The following CARF variants were observed in gnomAD, a reference collection of about 807,000 sequenced individuals.
CARF encodes the protein calcium-responsive transcription factor.
CARF carries 57 observed loss-of-function variants against 82.0 expected under a neutral mutation model. That is an observed-to-expected ratio of 0.70 (90% CI 0.56 to 0.87). The LOEUF (loss-of-function observed/expected upper bound fraction) is 0.87. CARF is among the 40% of genes least tolerant of loss of function. CARF has a pLI of 0.00. For missense variants in CARF, 771 were observed against 855.8 expected, an observed-to-expected ratio of 0.90 and a Z score of 1.24; for synonymous variants, 268 against 290.1, an observed-to-expected ratio of 0.92 and a Z score of 0.77.
chr2:202,980,369 G>C (rs1051293592), intron 14 of CARF, among the ~76,000 whole-genome samples: 28 of 151,898 alleles, frequency 1.8e-4, no homozygotes, highest in African/African-American at 6.8e-4. Context: ...GAGATACTAA[G>C]AAAATAGAGT....
chr2:202,978,841 G>A (rs1294218796), intron 14 of CARF, among the ~76,000 whole-genome samples: 1 of 152,184 alleles, frequency 6.6e-6, no homozygotes, highest in Non-Finnish European at 1.5e-5. Flanking sequence ...CTGGATGGGG[G>A]AAGAATTTTA....
intron 3 of CARF, chr2:202,925,688 A>AGC (rs1691669279): frequency 5.1e-6 from 1 of 198,018 alleles, no homozygotes; most frequent in Admixed American, 5.8e-5. Flanking sequence ...GCTGGCCATT[A>AGC]AGGATGCCAG....
Position 202,966,838 on chromosome 2 carries a change from G to C in CARF, c.833-140G>C, listed in dbSNP as rs2059573587. ...TAAATTTATATGTTTGTATATGTAA[G>C]TAAGACTTACTAATGTTTTCTTTCC... On this transcript the variant is annotated intron_variant, in intron 9 of 16. Transcript: ENST00000438828. 9 of 697,916 alleles carry C rather than the reference G, an allele frequency of 1.3e-5. No individual in the cohort carries two copies. In the South Asian group the frequency reaches 2.1e-4, roughly 16 times the overall value. 43.2% of individuals were successfully genotyped at this position (697,916 alleles called of 1,614,324 possible).
intron 2 of CARF, among the ~76,000 whole-genome samples, chr2:202,923,039 T>G (rs1485048427): frequency 6.6e-6 from 1 of 151,902 alleles, no homozygotes; most frequent in East Asian, 1.9e-4. Flanking sequence ...GTCAGGAGTT[T>G]GAGACCAGCC....
rs1491098285 is a variant in CARF at position 202,986,868 on chromosome 2, G to GTATGTATATATATA, written c.*3247_*3248insGTATATATATATAT. 8 of 29,638 alleles carry GTATGTATATATATA rather than the reference G, an allele frequency of 2.7e-4. No homozygotes were observed. Among genetic ancestry groups the GTATGTATATATATA allele is most frequent in the African/African-American group, 6.1e-4 (8 of 13,012 alleles). 1.8% of individuals were successfully genotyped at this position (29,638 alleles called of 1,614,324 possible). ...AAAGAGGTTTAAAAAATGTCTGTGC[G>GTATGTATATATATA]TATATATATATATATATATATATAT... On this transcript the variant is annotated 3_prime_UTR_variant, in exon 17 of 17. Coordinates refer to ENST00000438828, the MANE Select transcript of CARF (RefSeq NM_024744.17).
intron 3 of CARF, among the ~76,000 whole-genome samples, chr2:202,936,918 G>A (rs1236541923): frequency 1.3e-5 from 2 of 152,148 alleles, no homozygotes; most frequent in Non-Finnish European, 2.9e-5. Flanking sequence ...TCTTCTAAGA[G>A]TTGCATGGTT....
intron 2 of CARF, among the ~76,000 whole-genome samples, chr2:202,918,286 C>T (rs4673240): frequency 0.91 from 137,902 of 152,058 alleles, 62,637 homozygotes; most frequent in East Asian, 0.99. Flanking sequence ...TTTGGGAGGC[C>T]GAGGTGGGCG....
At chr2:202,947,646 A>G (rs1255477783) in intron 5 of CARF, among the ~76,000 whole-genome samples, 3 of 152,144 alleles carry the variant, frequency 2.0e-5, no homozygotes, top group Non-Finnish European at 2.9e-5. Context: ...AAGTAAAACA[A>G]AAAACAAAAA....
At chr2:202,943,299 C>T (rs1478735197) in intron 5 of CARF, among the ~76,000 whole-genome samples, 1 of 152,122 alleles carries the variant, frequency 6.6e-6, no homozygotes, top group Non-Finnish European at 1.5e-5. Flanking sequence ...GCCTCAAACT[C>T]CTGACCTCAG....
chr2:202,943,916 G>GT (rs2058367009), intron 5 of CARF, among the ~76,000 whole-genome samples: 1 of 152,058 alleles, frequency 6.6e-6, no homozygotes, highest in African/African-American at 2.4e-5. Flanking sequence ...AAAGTGCTGG[G>GT]ATTACAGGCA....
At position 202,942,842 on chromosome 2, in the gene CARF, C is replaced by G. The variant is rs1559216298; in HGVS notation, c.181C>G (p.Gln61Glu). The G allele has an allele frequency of 6.2e-7, 1 of 1,613,980 alleles. No individual in the cohort carries two copies. Among genetic ancestry groups the G allele is most frequent in the Non-Finnish European group, 8.5e-7 (1 of 1,179,956 alleles). ...TREANNSLIS[Q>E]NIPGPLTQTQ... is the part of the protein sequence containing the mutation. ...TGAAGCAAATAATTCACTCATATCA[C>G]AGAATATACCAGGGCCCCTGACTCA... Residue 61 changes from glutamine to glutamate, a missense_variant, in exon 5 of 17, where the codon CAG (glutamine) becomes GAG (glutamate). Transcript: ENST00000438828.
chr2:202,949,007 C>A (rs574735616), intron 5 of CARF, among the ~76,000 whole-genome samples: 2 of 151,976 alleles, frequency 1.3e-5, no homozygotes, highest in Admixed American at 6.6e-5. Flanking sequence ...TCTTGTTTTT[C>A]TTAATTTATT....
At chr2:202,980,511 T>C (rs1484761621) in intron 14 of CARF, among the ~76,000 whole-genome samples, 2 of 150,152 alleles carry the variant, frequency 1.3e-5, no homozygotes, top group Admixed American at 6.7e-5. Flanking sequence ...TTGGTGTTAA[T>C]TGAGAAGCTC....
chr2:202,956,372 C>T (rs1250405067), intron 8 of CARF, among the ~76,000 whole-genome samples: 1 of 152,052 alleles, frequency 6.6e-6, no homozygotes, highest in Non-Finnish European at 1.5e-5. Flanking sequence ...TCTTGTGCCT[C>T]GGCCTCCTGA....
At chr2:202,934,660 G>T (rs1693578764) in intron 3 of CARF, 1 of 152,172 alleles carries the variant, frequency 6.6e-6, no homozygotes, top group Admixed American at 6.6e-5. Flanking sequence ...TCAACATGTT[G>T]TCCGGGCTCG....
chr2:202,941,159 A>AT (rs1293821538), intron 3 of CARF, among the ~76,000 whole-genome samples: 2 of 152,050 alleles, frequency 1.3e-5, no homozygotes, highest in Non-Finnish European at 2.9e-5. Context: ...TTTGCAATTG[A>AT]TTTTTTACTT....
chr2:202,969,626 CCAGGCATGAGGTGATT>C (rs2059701580), intron 10 of CARF, among the ~76,000 whole-genome samples: 1 of 151,052 alleles, frequency 6.6e-6, no homozygotes, highest in African/African-American at 2.4e-5. Context: ...AATAAGTAAT[CCAGGCATGAGGTGATT>C]ATGCCTTCCA....
Position 202,988,186 on chromosome 2 carries a change from T to C in CARF, c.*4562T>C, listed in dbSNP as rs2060496857. On this transcript the variant is annotated 3_prime_UTR_variant, in exon 17 of 17. Coordinates refer to ENST00000438828, the MANE Select transcript of CARF (RefSeq NM_024744.17). ...GAACTGCATTTTATGAATATATCAA[T>C]TTGTTTATTCTTTTGATGATGGACA... Among the ~76,000 whole-genome samples, 1 of 152,226 alleles carries C rather than the reference T, an allele frequency of 6.6e-6. No homozygotes were observed. Among genetic ancestry groups the C allele is most frequent in the African/African-American group, 2.4e-5 (1 of 41,458 alleles).
At chr2:202,976,795 C>T (rs905472242) in intron 13 of CARF, among the ~76,000 whole-genome samples, 8 of 150,452 alleles carry the variant, frequency 5.3e-5, no homozygotes, top group African/African-American at 1.2e-4. Flanking sequence ...ACTGCAGCCA[C>T]GACCTCCAAG....
Sources: gnomAD v4.1 joint callset for allele counts (sites outside exome capture counted in the v4.1 genomes callset) on GRCh38, gnomAD v4.1.1 for gene constraint, MANE v1.5 for transcripts, NCBI Gene and HGNC (gene_info 2026-07-23, HGNC 2026-07-21) for gene names.